Variants in RBFOX3 observed in about 807,000 individuals in gnomAD.
The protein encoded by RBFOX3 is RNA binding fox-1 homolog 3.
In RBFOX3, 17 loss-of-function variants were observed where a neutral mutation model predicts 48.7. The ratio of observed to expected loss-of-function variants is 0.35; its 90% confidence interval spans 0.24 to 0.52. RBFOX3 has a LOEUF of 0.52. RBFOX3 is among the 20% of genes least tolerant of loss of function. RBFOX3 has a pLI of 0.94. For synonymous variants in RBFOX3, 212 were observed against 209.5 expected (o/e 1.01, Z -0.10); for missense variants, 382 against 497.5 (o/e 0.77, Z 2.21).
At position 79,602,990 on chromosome 17, in the gene RBFOX3, T is replaced by G. The variant is rs1384892292; in HGVS notation, c.-320+7836A>C. On this transcript the variant is annotated intron_variant, in intron 1 of 14. Coordinates refer to ENST00000693108, the MANE Select transcript of RBFOX3 (RefSeq NM_001350451.2). Reference sequence around the variant, plus strand: ...TGCCCCTCTCTCCTTGAGCTACCCTTTTTTTTTTTTTTTTTTTTTAGGGGG... The same window carrying G: ...TGCCCCTCTCTCCTTGAGCTACCCTGTTTTTTTTTTTTTTTTTTTAGGGGG... 1.2e-3 allele frequency among the ~76,000 whole-genome samples: 5 copies of G among 4,344 alleles called. No homozygotes were observed. The East Asian group carries it at 0.083, about 72-fold the overall frequency. The allele number at this position is 4,344 out of a possible 152,430, so 2.8% of individuals were successfully genotyped here.
chr17:79,610,255 C>T (rs1203986468), intron 1 of RBFOX3, among the ~76,000 whole-genome samples: 2 of 152,056 alleles, frequency 1.3e-5, no homozygotes, highest in South Asian at 2.1e-4. Flanking sequence ...CAGAGGACCC[C>T]GGCAGGGCTC....
At chr17:79,664,488 A>C in the RBFOX3 span, among the ~76,000 whole-genome samples, 3 of 151,970 alleles carry the variant, frequency 2.0e-5, no homozygotes, top group Non-Finnish European at 2.9e-5. Context: ...CTGGGACTAC[A>C]GGCGCCCACC....
rs1474509183 is a variant in RBFOX3 at position 79,199,008 on chromosome 17, G to A, written c.-34+36758C>T. Among the ~76,000 whole-genome samples the A allele has an allele frequency of 6.6e-6, 1 of 152,226 alleles. No homozygotes were observed. The highest frequency in any genetic ancestry group is 1.5e-5 in the Non-Finnish European group (1 of 68,044). On this transcript the variant is annotated intron_variant, in intron 4 of 14. Transcript: ENST00000693108. This position sits in a 1 kb window ranked among gnomAD's most constrained non-coding sequence, Gnocchi z 5.1. Reference sequence around the variant, plus strand: ...TCTCCTGCAAAGATGCTGAGTTTGTGAGGCTGAACATTGCCTGTAACTCAG... The same window carrying A: ...TCTCCTGCAAAGATGCTGAGTTTGTAAGGCTGAACATTGCCTGTAACTCAG...
At chr17:79,409,853 C>A (rs906565259) in intron 2 of RBFOX3, among the ~76,000 whole-genome samples, 7 of 152,166 alleles carry the variant, frequency 4.6e-5, no homozygotes, top group African/African-American at 1.4e-4. Flanking sequence ...CTGAGAGACA[C>A]CCCCCCATCC....
intron 1 of RBFOX3, among the ~76,000 whole-genome samples, chr17:79,584,795 T>G (rs2093189447): frequency 1.3e-5 from 2 of 151,768 alleles, no homozygotes; most frequent in Admixed American, 1.3e-4. Context: ...AGACTGAGTC[T>G]CACTCTGTCG....
At chr17:79,587,747 C>G (rs1048392120) in intron 1 of RBFOX3, among the ~76,000 whole-genome samples, 1 of 152,158 alleles carries the variant, frequency 6.6e-6, no homozygotes, top group Non-Finnish European at 1.5e-5. Flanking sequence ...GATCGAGGTC[C>G]CACTTGGAGG....
At chr17:79,367,335 C>T (rs974819571) in intron 2 of RBFOX3, among the ~76,000 whole-genome samples, 1 of 147,316 alleles carries the variant, frequency 6.8e-6, no homozygotes, top group Non-Finnish European at 1.5e-5. Flanking sequence ...TCTTCATTTC[C>T]TCTTCCTCCC....
At position 79,592,142 on chromosome 17, in the gene RBFOX3, GTGCA is replaced by G. The variant is rs1288124850; in HGVS notation, c.-320+18680_-320+18683del. On this transcript the variant is annotated intron_variant, in intron 1 of 14. Transcript: ENST00000693108. ...TGTGGAATGTGAAGTATTGTCGTGT[GTGCA>G]TGCATGCATGTGTGTGTGTCTGCAG... Among the ~76,000 whole-genome samples the G allele has an allele frequency of 2.7e-5, 4 of 150,710 alleles. No homozygotes were observed. In the East Asian group the frequency reaches 5.9e-4, roughly 22 times the overall value.
chr17:79,140,363 GA>G (rs940502174), intron 4 of RBFOX3, among the ~76,000 whole-genome samples: 4 of 152,274 alleles, frequency 2.6e-5, no homozygotes, highest in Non-Finnish European at 4.4e-5. Context: ...CCTGGAGGGT[GA>G]ACCCTGTATG....
intron 3 of RBFOX3, among the ~76,000 whole-genome samples, chr17:79,271,666 C>T (rs1317095393): frequency 6.6e-6 from 1 of 152,206 alleles, no homozygotes; most frequent in Admixed American, 6.5e-5. Flanking sequence ...AAGCTCTGAC[C>T]CTGCGGCTAC....
intron 1 of RBFOX3, among the ~76,000 whole-genome samples, chr17:79,494,519 A>G (rs1389016467): frequency 6.6e-6 from 1 of 152,224 alleles, no homozygotes; most frequent in African/African-American, 2.4e-5. Context: ...CATGATTTCA[A>G]CTGGTAATTA....
chr17:79,161,004 A>G (rs1225262924), intron 4 of RBFOX3, among the ~76,000 whole-genome samples: 1 of 151,630 alleles, frequency 6.6e-6, no homozygotes, highest in Non-Finnish European at 1.5e-5. Context: ...AAAACAAAAA[A>G]GTCTCGTGGG....
chr17:79,620,598 C>T, the RBFOX3 span, among the ~76,000 whole-genome samples: 9 of 149,202 alleles, frequency 6.0e-5, no homozygotes, highest in Non-Finnish European at 1.0e-4. Context: ...CACACACGCA[C>T]GCACGCACAC....
Position 79,451,005 on chromosome 17 carries a change from G to A in RBFOX3, c.-175+31449C>T, listed in dbSNP as rs146611947. Among the ~76,000 whole-genome samples, 682 of 152,230 alleles carry A rather than the reference G, an allele frequency of 4.5e-3. 7 individuals carry two copies. Among genetic ancestry groups the A allele is most frequent in the African/African-American group, 0.015 (635 of 41,534 alleles). On this transcript the variant is annotated intron_variant, in intron 2 of 14. Coordinates refer to ENST00000693108, the MANE Select transcript of RBFOX3 (RefSeq NM_001350451.2). Reference sequence around the variant, plus strand: ...AGAAGGGGGTGCAGCATTCTCATCCGAGAGCTCTGACTCCCAAGCCCAGGC... The same window carrying A: ...AGAAGGGGGTGCAGCATTCTCATCCAAGAGCTCTGACTCCCAAGCCCAGGC...
chr17:79,222,268 G>A (rs973865265), intron 4 of RBFOX3, among the ~76,000 whole-genome samples: 10 of 151,558 alleles, frequency 6.6e-5, no homozygotes, highest in African/African-American at 2.4e-4. Flanking sequence ...CTTTGTGCTA[G>A]CTCATGCCAA....
At chr17:79,396,787 T>G (rs2062042163) in intron 2 of RBFOX3, among the ~76,000 whole-genome samples, 1 of 152,188 alleles carries the variant, frequency 6.6e-6, no homozygotes, top group Non-Finnish European at 1.5e-5. Flanking sequence ...CATCCCCTCA[T>G]TAAAAAGTTG....
chr17:79,518,189 A>G (rs1409365901), intron 1 of RBFOX3, among the ~76,000 whole-genome samples: 3 of 152,210 alleles, frequency 2.0e-5, no homozygotes, highest in African/African-American at 7.2e-5. Flanking sequence ...TCTGAGCACA[A>G]GTGGATAATG....
At chr17:79,589,657 G>A in intron 1 of RBFOX3, among the ~76,000 whole-genome samples, 1 of 152,276 alleles carries the variant, frequency 6.6e-6, no homozygotes. Context: ...TACCAGAAAT[G>A]CACGGGGAGG....
chr17:79,519,323 C>A (rs1599026186), intron 1 of RBFOX3, among the ~76,000 whole-genome samples: 2 of 152,254 alleles, frequency 1.3e-5, no homozygotes, highest in Non-Finnish European at 2.9e-5. Context: ...GAGCAAGAGA[C>A]CTGCCAGTGA....
Sources: gnomAD v4.1 joint callset for allele counts (sites outside exome capture counted in the v4.1 genomes callset) on GRCh38, gnomAD v4.1.1 for gene constraint, Gnocchi (gnomAD v3.1) non-coding constraint, MANE v1.5 for transcripts, NCBI Gene and HGNC (gene_info 2026-07-23, HGNC 2026-07-21) for gene names.